Variants in UNC5C observed in about 807,000 individuals in gnomAD.
UNC5C encodes the protein unc-5 netrin receptor C.
A neutral mutation model predicts 99.8 loss-of-function variants in UNC5C; 47 were observed. That is an observed-to-expected ratio of 0.47 (90% CI 0.37 to 0.60). The LOEUF (loss-of-function observed/expected upper bound fraction) is 0.60. UNC5C is among the 20% of genes least tolerant of loss of function. The probability of loss-of-function intolerance (pLI) is 0.00; values close to 1 mark genes in which losing one functional copy is unlikely to be tolerated. For missense variants in UNC5C, 1,062 were observed against 1,165.9 expected (o/e 0.91, Z 1.30); for synonymous variants, 487 against 452.2 (o/e 1.08, Z -0.98).
At chr4:95,208,858 G>A (rs1019200622) in intron 10 of UNC5C, among the ~76,000 whole-genome samples, 10 of 152,128 alleles carry the variant, frequency 6.6e-5, no homozygotes, top group African/African-American at 1.4e-4. Flanking sequence ...TATGGTTTAC[G>A]TATTATTTAT....
At chr4:95,424,802 A>C (rs545625133) in intron 1 of UNC5C, among the ~76,000 whole-genome samples, 15 of 151,710 alleles carry the variant, frequency 9.9e-5, no homozygotes, top group South Asian at 4.2e-4. Flanking sequence ...GGATTACAGG[A>C]GTGAGCCACC....
intron 14 of UNC5C, among the ~76,000 whole-genome samples, chr4:95,174,689 T>TG (rs1446181772): frequency 6.7e-6 from 1 of 150,160 alleles, no homozygotes; most frequent in Non-Finnish European, 1.5e-5. Flanking sequence ...GGAATAGGTG[T>TG]GGTGTGGTGC....
chr4:95,380,140 G>T (rs754351241), intron 1 of UNC5C, among the ~76,000 whole-genome samples: 5 of 152,038 alleles, frequency 3.3e-5, no homozygotes, highest in Non-Finnish European at 7.4e-5. Context: ...TGTCCACGTT[G>T]ATGGGAATCA....
In UNC5C at chr4:95,163,415, T is replaced by A. The variant is rs1487719170; in HGVS notation, c.*5819A>T. The stretch of plus-strand genomic sequence containing the variant: ...GATGCTGCCTCCATAGTGCTCAGGA[T>A]CAGAGGCCAAAAGAGAGCCCATCAA... On this transcript the variant is annotated 3_prime_UTR_variant, in exon 16 of 16. Coordinates refer to ENST00000453304, the MANE Select transcript of UNC5C (RefSeq NM_003728.4). The A allele has an allele frequency of 1.3e-5, 2 of 152,166 alleles. No homozygotes were observed. Among genetic ancestry groups the A allele is most frequent in the Non-Finnish European group, 2.9e-5 (2 of 68,056 alleles). The allele number at this position is 152,166 out of a possible 1,614,324, so 9.4% of individuals were successfully genotyped here. A position where few individuals can be genotyped will look rare whatever the true frequency, so the allele number is the denominator to read the frequency against.
At chr4:95,441,346 C>T (rs265018) in intron 1 of UNC5C, among the ~76,000 whole-genome samples, 132,763 of 152,204 alleles carry the variant, frequency 0.87, 58,517 homozygotes, top group Non-Finnish European at 0.94. Context: ...CAAATGAATG[C>T]ATTATGCTCT....
chr4:95,287,616 T>C (rs1741282261), intron 3 of UNC5C, among the ~76,000 whole-genome samples: 1 of 152,174 alleles, frequency 6.6e-6, no homozygotes, highest in African/African-American at 2.4e-5. Context: ...TATTCTTTTC[T>C]CCAGAGTCTG....
chr4:95,169,151 T>C lies in UNC5C; in HGVS notation c.*83A>G. The C allele has an allele frequency of 1.3e-6, 2 of 1,557,522 alleles. No homozygotes were observed. The highest frequency in any genetic ancestry group is 1.8e-6 in the Non-Finnish European group (2 of 1,141,604). On this transcript the variant is annotated 3_prime_UTR_variant, in exon 16 of 16. Coordinates refer to ENST00000453304, the MANE Select transcript of UNC5C (RefSeq NM_003728.4). The stretch of plus-strand genomic sequence containing the variant: ...GTGAAGTGCATTGGTCTCATCTGGA[T>C]TTCCTCCTCAGCTGTGATTCACCTG...
chr4:95,464,785 G>A (rs540369187), intron 1 of UNC5C, among the ~76,000 whole-genome samples: 1 of 152,116 alleles, frequency 6.6e-6, no homozygotes, highest in African/African-American at 2.4e-5. Context: ...CAACCTGAGG[G>A]TGTATTCCCA....
At chr4:95,461,351 CA>C (rs2149471074) in intron 1 of UNC5C, among the ~76,000 whole-genome samples, 1 of 97,272 alleles carries the variant, frequency 1.0e-5, no homozygotes, top group East Asian at 5.1e-4. Flanking sequence ...GGAGAGAAAT[CA>C]AAAAAAGAAG....
chr4:95,523,882 T>A (rs1168906050), intron 1 of UNC5C, among the ~76,000 whole-genome samples: 2 of 152,164 alleles, frequency 1.3e-5, no homozygotes, highest in African/African-American at 2.4e-5. Flanking sequence ...TATAAAAGGT[T>A]CACAAATAAT....
At chr4:95,241,911 C>A (rs1739340200) in intron 7 of UNC5C, among the ~76,000 whole-genome samples, 1 of 152,004 alleles carries the variant, frequency 6.6e-6, no homozygotes, top group Admixed American at 6.6e-5. Context: ...AAATCATACC[C>A]GCATTATAAT....
intron 1 of UNC5C, among the ~76,000 whole-genome samples, chr4:95,433,961 A>G (rs1314483488): frequency 6.6e-6 from 1 of 152,080 alleles, no homozygotes; most frequent in Non-Finnish European, 1.5e-5. Context: ...ATCTTCGATC[A>G]TCACTTTTAA....
At chr4:95,228,275 A>C (rs527339399) in intron 7 of UNC5C, among the ~76,000 whole-genome samples, 1 of 152,358 alleles carries the variant, frequency 6.6e-6, no homozygotes, top group South Asian at 2.1e-4. Flanking sequence ...TTTCCAAGCC[A>C]TATGGATAGA....
rs557615961 is a variant in UNC5C at position 95,406,433 on chromosome 4, C to T, written c.125-70802G>A. On this transcript the variant is annotated intron_variant, in intron 1 of 15. Transcript: ENST00000453304. ...GCAGGATTTTCAAAGACCTTGACAT[C>T]ATCTGAAAAGTTATTGTTTGATTCC... Among the ~76,000 whole-genome samples the T allele has an allele frequency of 5.3e-5, 8 of 152,296 alleles. No individual in the cohort carries two copies. In the South Asian group the frequency reaches 1.5e-3, roughly 28 times the overall value.
chr4:95,206,543 T>TA, intron 11 of UNC5C, 85 bp downstream of exon 11: 1 of 1,577,538 alleles, frequency 6.3e-7, no homozygotes, highest in Non-Finnish European at 8.6e-7. Flanking sequence ...TGTTTTGCTT[T>TA]ATAAATAAAA....
intron 1 of UNC5C, among the ~76,000 whole-genome samples, chr4:95,512,587 A>G (rs1291527493): frequency 6.6e-6 from 1 of 152,184 alleles, no homozygotes; most frequent in Non-Finnish European, 1.5e-5. Context: ...TCATATGAAT[A>G]ACTAAATGAC....
chr4:95,324,139 C>T lies in UNC5C; in HGVS notation c.346+11271G>A, dbSNP rs79608855. Among the ~76,000 whole-genome samples, 6,461 of 152,252 alleles carry T rather than the reference C, an allele frequency of 0.042. 751 individuals are homozygous for T. The East Asian group carries it at 0.5, about 12-fold the overall frequency. ...GGTCCCCAACCCCCAGGCCAGGGAC[C>T]AGTACTGGAACCGGGCCACATGGCA... On this transcript the variant is annotated intron_variant, in intron 2 of 15. Transcript: ENST00000453304.
At chr4:95,178,206 C>T (rs1736449537) in intron 14 of UNC5C, among the ~76,000 whole-genome samples, 1 of 152,216 alleles carries the variant, frequency 6.6e-6, no homozygotes, top group Admixed American at 6.5e-5. Flanking sequence ...GAGCACCACT[C>T]ACTAGTTCTC....
intron 4 of UNC5C, among the ~76,000 whole-genome samples, chr4:95,276,621 G>A (rs1447452859): frequency 6.6e-6 from 1 of 152,100 alleles, no homozygotes; most frequent in Non-Finnish European, 1.5e-5. Flanking sequence ...GAGGAGGTGT[G>A]CATTAATATT....
Sources: allele counts gnomAD v4.1 joint callset (sites outside exome capture counted in the v4.1 genomes callset), GRCh38; gene constraint gnomAD v4.1.1; transcripts MANE v1.5; gene names NCBI Gene and HGNC (gene_info 2026-07-23, HGNC 2026-07-21).